The following MARK2 variants were observed in gnomAD, a reference collection of about 807,000 sequenced individuals.
MARK2 encodes the protein serine/threonine-protein kinase MARK2.
In MARK2, 16 loss-of-function variants were observed where a neutral mutation model predicts 89.8. The observed-to-expected ratio is 0.18, with a 90% CI of 0.12 to 0.27. The LOEUF (loss-of-function observed/expected upper bound fraction) is 0.27. Among genes scored for constraint, MARK2 ranks in the 10% least tolerant of loss-of-function variants. The pLI is 1.00. For missense variants in MARK2, 621 were observed against 1,049.9 expected, an observed-to-expected ratio of 0.59 and a Z score of 5.65; for synonymous variants, 382 against 399.5, an observed-to-expected ratio of 0.96 and a Z score of 0.52.
At chr11:63,906,247 C>T (rs936163431) in intron 17 of MARK2, 133 bp downstream of exon 17, 11 of 1,143,828 alleles carry the variant, frequency 9.6e-6, no homozygotes, top group Non-Finnish European at 1.0e-5. Context: ...TGGCCCTCCT[C>T]TCTCTGCCAT....
chr11:63,840,013 T>C (rs531758112), intron 1 of MARK2, among the ~76,000 whole-genome samples: 1 of 152,278 alleles, frequency 6.6e-6, no homozygotes, highest in South Asian at 2.1e-4. Flanking sequence ...GTTCTGCCAG[T>C]CTCTGGGTTA....
Position 63,902,426 on chromosome 11 carries a change from C to A in MARK2, c.1234+96C>A. On this transcript the variant is annotated intron_variant, in intron 12 of 18. Coordinates refer to ENST00000402010, the MANE Select transcript of MARK2 (RefSeq NM_001039469.3). The surrounding 1 kb of genome is among the most constrained non-coding windows in gnomAD (Gnocchi z 4.2). Reference sequence around the variant, plus strand: ...TGGGTAACACAACTAAGTTTCAGTCCTGGTTCAGCCACTTATTAGTAGTGT... The same window carrying A: ...TGGGTAACACAACTAAGTTTCAGTCATGGTTCAGCCACTTATTAGTAGTGT... The A allele has an allele frequency of 6.5e-7, 1 of 1,529,398 alleles. No individual in the cohort carries two copies. Among genetic ancestry groups the A allele is most frequent in the Non-Finnish European group, 9.0e-7 (1 of 1,111,068 alleles). The allele number at this position is 1,529,398 out of a possible 1,614,324, so 94.7% of individuals were successfully genotyped here.
In MARK2 at chr11:63,855,012, G is replaced by C. The variant is rs185975802; in HGVS notation, c.54+15452G>C. Reference sequence around the variant, plus strand: ...GACATTTTATGAAAATGAACAAAGTGAGCCTGTCATTGTTGCCAGTGATAA... The same window carrying C: ...GACATTTTATGAAAATGAACAAAGTCAGCCTGTCATTGTTGCCAGTGATAA... On this transcript the variant is annotated intron_variant, in intron 1 of 18. Transcript: ENST00000402010. Among the ~76,000 whole-genome samples the C allele has an allele frequency of 2.0e-5, 3 of 152,236 alleles. No homozygotes were observed. In the East Asian group the frequency reaches 5.8e-4, roughly 29 times the overall value.
intron 1 of MARK2, among the ~76,000 whole-genome samples, chr11:63,885,353 A>G (rs1939328648): frequency 1.3e-5 from 2 of 151,860 alleles, no homozygotes; most frequent in African/African-American, 4.8e-5. Context: ...AGCCTGGACA[A>G]GCTTGCAAAA....
chr11:63,856,768 G>GGTTTTTTTTTTTTTTTT, intron 1 of MARK2, among the ~76,000 whole-genome samples: 2 of 53,808 alleles, frequency 3.7e-5, no homozygotes, highest in African/African-American at 1.5e-4. Flanking sequence ...AATTTTTCAT[G>GGTTTTTTTTTTTTTTTT]TTTTTTTTTT....
intron 1 of MARK2, among the ~76,000 whole-genome samples, chr11:63,857,258 C>T (rs528638344): frequency 3.9e-5 from 6 of 152,276 alleles, no homozygotes; most frequent in African/African-American, 1.4e-4. Flanking sequence ...CTTCCACCTC[C>T]CAGGTTCAAG....
chr11:63,888,717 G>T, intron 1 of MARK2: 2 of 1,190,794 alleles, frequency 1.7e-6, no homozygotes, highest in Non-Finnish European at 2.1e-6. Flanking sequence ...TGGTGGTTTC[G>T]GTTGCGACAC....
chr11:63,888,575 TC>T, intron 1 of MARK2: 8 of 1,094,246 alleles, frequency 7.3e-6, no homozygotes, highest in Non-Finnish European at 9.0e-6. Context: ...TCCTGCCCCT[TC>T]CCTCCCACCT....
At chr11:63,865,535 G>A (rs1246366831) in intron 1 of MARK2, among the ~76,000 whole-genome samples, 2 of 152,218 alleles carry the variant, frequency 1.3e-5, no homozygotes, top group Admixed American at 6.5e-5. Context: ...TATTCACTCA[G>A]GTGTTCTTTA....
At chr11:63,888,573 C>G in intron 1 of MARK2, 1 of 1,094,822 alleles carries the variant, frequency 9.1e-7, no homozygotes, top group South Asian at 2.2e-5. Flanking sequence ...CCTCCTGCCC[C>G]TTCCCTCCCA....
At chr11:63,848,595 G>T (rs2016399824) in intron 1 of MARK2, among the ~76,000 whole-genome samples, 1 of 150,426 alleles carries the variant, frequency 6.6e-6, no homozygotes, top group African/African-American at 2.4e-5. Flanking sequence ...CTGTCGCCCA[G>T]GCTGGAGTGC....
chr11:63,867,745 C>T (rs143751211), intron 1 of MARK2, among the ~76,000 whole-genome samples: 1 of 152,332 alleles, frequency 6.6e-6, no homozygotes, highest in Non-Finnish European at 1.5e-5. Flanking sequence ...CTGCCTAACT[C>T]TCACCATGGC....
intron 1 of MARK2, among the ~76,000 whole-genome samples, chr11:63,853,844 CTTAT>C (rs948654707): frequency 2.6e-4 from 39 of 151,334 alleles, no homozygotes; most frequent in East Asian, 1.5e-3. Context: ...TTTTTATTTA[CTTAT>C]TTATTTATTT....
chr11:63,839,437 C>T lies in MARK2; in HGVS notation c.-70C>T. ...CCTGCTGTGAGAAGCCCCGCCCGGC[C>T]GGGCTCCGCGCCTTCCCTTCCCTCC... On this transcript the variant is annotated 5_prime_UTR_variant, in exon 1 of 19. Transcript: ENST00000402010. 3.1e-6 allele frequency: 3 copies of T among 969,612 alleles called. No homozygotes were observed. The highest frequency in any genetic ancestry group is 4.7e-6 in the Non-Finnish European group (3 of 636,012). 60.1% of individuals were successfully genotyped at this position (969,612 alleles called of 1,614,324 possible).
intron 1 of MARK2, among the ~76,000 whole-genome samples, chr11:63,864,695 T>C (rs1036143262): frequency 6.6e-6 from 1 of 151,160 alleles, no homozygotes; most frequent in Non-Finnish European, 1.5e-5. Context: ...CTGTGCCTGC[T>C]CTGTTGCCCT....
In MARK2 at chr11:63,895,198, T is replaced by C. The variant is rs749972779; in HGVS notation, c.94T>C (p.Ser32Pro). ...GHLDSKPSSK[S>P]NMIRGRNSAT... is the part of the protein sequence containing the mutation. ...CCTTGACTCCAAGCCCAGCAGTAAG[T>C]CCAACATGATTCGGGGCCGCAACTC... The change falls in exon 2 of 19, where the codon TCC (serine) becomes CCC (proline). Residue 32 changes from serine to proline, a missense_variant. Around this residue, in one of 5 missense-constraint regions of MARK2, gnomAD observed 60 missense variants for 73.2 expected, o/e 0.82. Coordinates refer to ENST00000402010, the MANE Select transcript of MARK2 (RefSeq NM_001039469.3). The C allele has an allele frequency of 6.2e-7, 1 of 1,614,024 alleles. No individual in the cohort carries two copies. Among genetic ancestry groups the C allele is most frequent in the Non-Finnish European group, 8.5e-7 (1 of 1,179,986 alleles).
At position 63,909,070 on chromosome 11, in the gene MARK2, C is replaced by A; in HGVS notation, c.2200C>A (p.Leu734Met). 6.2e-7 allele frequency: 1 copy of A among 1,612,778 alleles called. No homozygotes were observed. The highest frequency in any genetic ancestry group is 8.5e-7 in the Non-Finnish European group (1 of 1,178,944). The change falls in exon 19 of 19, where the codon CTG becomes ATG. Residue 734 changes from leucine to methionine, a missense_variant. By Grantham distance (15) the Leu-to-Met change is conservative (BLOSUM62 2). Around this residue, in one of 5 missense-constraint regions of MARK2, gnomAD observed 49 missense variants for 46.7 expected, o/e 1.05. Coordinates refer to ENST00000402010, the MANE Select transcript of MARK2 (RefSeq NM_001039469.3). The stretch of plus-strand genomic sequence containing the variant: ...CGAGCTGCATGAGAAGTACATGCTG[C>A]TGTGCATGCACGGCACGCCGGGCCA... ...QSELHEKYMLLCMHGTPGHED... is the reference protein window; with the variant it reads ...QSELHEKYMLMCMHGTPGHED...
In MARK2 at chr11:63,904,776, C is replaced by T. The variant is rs752928419; in HGVS notation, c.1677-10C>T. 1.2e-6 allele frequency: 2 copies of T among 1,612,622 alleles called. No individual in the cohort carries two copies. The highest frequency in any genetic ancestry group is 2.2e-5 in the East Asian group (1 of 44,840). The stretch of plus-strand genomic sequence containing the variant: ...ATTCGTCCCCCTCAACCCCACTTCT[C>T]TTCCCACAGCACAGCCCCCCAGCGT... On this transcript the variant is annotated splice_polypyrimidine_tract_variant and intron_variant, in intron 15 of 18. Transcript: ENST00000402010. This position sits in a 1 kb window ranked among gnomAD's most constrained non-coding sequence, Gnocchi z 6.3.
At chr11:63,860,038 G>A (rs1173008093) in intron 1 of MARK2, among the ~76,000 whole-genome samples, 1 of 152,188 alleles carries the variant, frequency 6.6e-6, no homozygotes, top group African/African-American at 2.4e-5. Context: ...GTAGCAGTGT[G>A]TGAACTTTGT....
Sources: allele counts gnomAD v4.1 joint callset (sites outside exome capture counted in the v4.1 genomes callset), GRCh38; gene constraint gnomAD v4.1.1; regional missense constraint gnomAD v4.1.1; non-coding constraint Gnocchi (gnomAD v3.1); transcripts MANE v1.5; gene names NCBI Gene and HGNC (gene_info 2026-07-23, HGNC 2026-07-21).